Variants in IPO8 observed in about 807,000 individuals in gnomAD.
The protein encoded by IPO8 is importin-8.
Under a neutral mutation model 141.2 loss-of-function variants are expected in IPO8, and 65 were observed. The observed-to-expected ratio is 0.46, with a 90% confidence interval of 0.38 to 0.57. The LOEUF (loss-of-function observed/expected upper bound fraction) is 0.57. Ranked by LOEUF, IPO8 falls within the 20% of genes least tolerant of loss-of-function variation. The pLI, the probability that IPO8 is intolerant of heterozygous loss-of-function variation, is 0.00. For synonymous variants in IPO8, 411 were observed against 420.3 expected (o/e 0.98, Z 0.27); for missense variants, 980 against 1,246.8 (o/e 0.79, Z 3.22).
In IPO8 at chr12:30,695,455, G is replaced by T; in HGVS notation, c.84+109C>A. On this transcript the variant is annotated intron_variant, in intron 1 of 24. Transcript: ENST00000256079. This position sits in a 1 kb window ranked among gnomAD's most constrained non-coding sequence, Gnocchi z 4.2. ...GAGCGGGACCAGCCGTGAGGCGTCA[G>T]CCCCAGCCCGGTGGGGGTGAGGACG... is the stretch of plus-strand genomic sequence containing the variant. The T allele has an allele frequency of 1.1e-6, 1 of 924,796 alleles. No homozygotes were observed. Among genetic ancestry groups the T allele is most frequent in the Non-Finnish European group, 1.7e-6 (1 of 587,034 alleles). The allele number at this position is 924,796 out of a possible 1,614,324, so 57.3% of individuals were successfully genotyped here.
intron 6 of IPO8, among the ~76,000 whole-genome samples, chr12:30,675,031 C>G (rs2053101072): frequency 6.6e-6 from 1 of 152,286 alleles, no homozygotes; most frequent in Non-Finnish European, 1.5e-5. Flanking sequence ...TCAGGACACT[C>G]TGAGATGATG....
At chr12:30,676,384 T>C (rs964044554) in intron 6 of IPO8, 114 bp downstream of exon 6, 4 of 462,220 alleles carry the variant, frequency 8.7e-6, no homozygotes, top group African/African-American at 7.9e-5. Context: ...TTTATTAATT[T>C]ATTTTATTAA....
rs755772356 is a variant in IPO8 at position 30,681,733 on chromosome 12, A to G, written c.408T>C (p.Tyr136=). The part of the protein sequence containing the change: ...HWPGVVDKID[Y]YLQSQSSASW... ...TTGCACTGCTCTGTGATTGCAAGTAATAGTCTATCTTGTCGACCACTCCTG... is the reference window on the plus strand; with the variant it reads ...TTGCACTGCTCTGTGATTGCAAGTAGTAGTCTATCTTGTCGACCACTCCTG... Residue 136 remains tyrosine, a synonymous_variant, in exon 4 of 25, where the codon TAT becomes TAC. Coordinates refer to ENST00000256079, the MANE Select transcript of IPO8 (RefSeq NM_006390.4). 48 of 1,613,784 alleles carry G rather than the reference A, an allele frequency of 3.0e-5. No homozygotes were observed. Among genetic ancestry groups the G allele is most frequent in the Non-Finnish European group, 4.0e-5 (47 of 1,179,802 alleles).
At position 30,676,498 on chromosome 12, in the gene IPO8, A is replaced by G. The variant is rs2053121709; in HGVS notation, c.729T>C (p.Pro243=). The G allele has an allele frequency of 6.2e-7, 1 of 1,609,340 alleles. No homozygotes were observed. Among genetic ancestry groups the G allele is most frequent in the African/African-American group, 1.3e-5 (1 of 74,832 alleles). The change falls in exon 6 of 25, where the codon CCT becomes CCC. Residue 243 remains proline, a splice_region_variant and synonymous_variant. Transcript: ENST00000256079. ...FRTIIDRTVP[P]ETLHIDEDDR... ...TTTCTTGGGAAAAGCTTTTTCTTAC[A>G]GGAGGAACGGTCCTGTCGATAATAG...
chr12:30,655,169 T>C (rs1330894930), intron 17 of IPO8, among the ~76,000 whole-genome samples: 1 of 152,182 alleles, frequency 6.6e-6, no homozygotes, highest in Non-Finnish European at 1.5e-5. Context: ...TTGTTCATTC[T>C]AAGGGTTTTG....
rs1286609437 is a variant in IPO8, at chr12:30,674,035, T to C, written c.864A>G (p.Glu288=). Residue 288 remains glutamate (E), a synonymous_variant, in exon 8 of 25, where the codon GAA becomes GAG. Transcript: ENST00000256079. The part of the protein sequence containing the change: ...SPGNVTKEYF[E]FSEFFLKTYA... ...AGGTTTTCAAAAAGAATTCAGAAAA[T>C]TCAAAGTATTCTTTTGTGACATTTC... 2 of 1,593,340 alleles carry C rather than the reference T, an allele frequency of 1.3e-6. No homozygotes were observed. The highest frequency in any genetic ancestry group is 1.3e-5 in the African/African-American group (1 of 74,862).
At chr12:30,690,103 C>T (rs1402260876) in intron 2 of IPO8, among the ~76,000 whole-genome samples, 3 of 152,216 alleles carry the variant, frequency 2.0e-5, no homozygotes, top group Non-Finnish European at 2.9e-5. Context: ...AACACATTAC[C>T]TCCATGATTT....
chr12:30,656,203 A>T (rs1031046683), intron 17 of IPO8, among the ~76,000 whole-genome samples: 2 of 151,898 alleles, frequency 1.3e-5, no homozygotes, highest in African/African-American at 4.8e-5. Context: ...CACTCAGCTA[A>T]TTTTTTTTAT....
Position 30,630,506 on chromosome 12 carries a change from T to C in IPO8, c.*354A>G, listed in dbSNP as rs2052416202. On this transcript the variant is annotated 3_prime_UTR_variant, in exon 25 of 25. Coordinates refer to ENST00000256079, the MANE Select transcript of IPO8 (RefSeq NM_006390.4). ...ATAATTCATGTACAACAGAAGGCAC[T>C]GTTATCCGCATAAATCCATTGATTC... 4.5e-6 allele frequency: 1 copy of C among 221,414 alleles called. No homozygotes were observed. Among genetic ancestry groups the C allele is most frequent in the African/African-American group, 2.3e-5 (1 of 44,070 alleles). The allele number at this position is 221,414 out of a possible 1,614,324, so 13.7% of individuals were successfully genotyped here.
chr12:30,675,841 CT>C (rs2053113437), intron 6 of IPO8, among the ~76,000 whole-genome samples: 1 of 131,792 alleles, frequency 7.6e-6, no homozygotes. Context: ...GAGACTCTGT[CT>C]CAAAAAAAAA....
At chr12:30,669,493 T>C (rs760903042) in intron 9 of IPO8, among the ~76,000 whole-genome samples, 9 of 152,126 alleles carry the variant, frequency 5.9e-5, no homozygotes, top group Non-Finnish European at 1.0e-4. Context: ...AATGTCCATG[T>C]ATTAACAATA....
At position 30,684,632 on chromosome 12, in the gene IPO8, G is replaced by C. The variant is rs917393917; in HGVS notation, c.167-175C>G. Among the ~76,000 whole-genome samples, 5 of 152,144 alleles carry C rather than the reference G, an allele frequency of 3.3e-5. No individual in the cohort carries two copies. In the South Asian group the frequency reaches 8.3e-4, roughly 25 times the overall value. On this transcript the variant is annotated intron_variant, in intron 2 of 24. Transcript: ENST00000256079. ...AAGGGAAAGTGGATAAGAATTTAAA[G>C]GTTTCACTTCAGCTAGTCTAAGCAG...
At chr12:30,680,326 T>C in intron 5 of IPO8, 156 bp downstream of exon 5, 1 of 558,638 alleles carries the variant, frequency 1.8e-6, no homozygotes, top group South Asian at 3.1e-5. Context: ...CTTGGGTAAT[T>C]AATTTCTGTG....
chr12:30,650,164 T>C (rs1299581181), intron 19 of IPO8, among the ~76,000 whole-genome samples: 1 of 151,978 alleles, frequency 6.6e-6, no homozygotes, highest in Admixed American at 6.6e-5. Flanking sequence ...AATAATACTA[T>C]AAAGAACACT....
chr12:30,690,154 G>A (rs1415669601), intron 2 of IPO8, among the ~76,000 whole-genome samples: 1 of 152,150 alleles, frequency 6.6e-6, no homozygotes, highest in Non-Finnish European at 1.5e-5. Flanking sequence ...TAAATTCATG[G>A]TCTTAATCTA....
In IPO8 at chr12:30,668,363, T is replaced by G. The variant is rs567623878; in HGVS notation, c.1144+820A>C. ...TTTAGCTTACGTAGCTAGACACACCTGGCTCAACTAAGGGGAAAGCACTGC... is the reference window on the plus strand; with the variant it reads ...TTTAGCTTACGTAGCTAGACACACCGGGCTCAACTAAGGGGAAAGCACTGC... On this transcript the variant is annotated intron_variant, in intron 10 of 24. Coordinates refer to ENST00000256079, the MANE Select transcript of IPO8 (RefSeq NM_006390.4). 8.5e-5 allele frequency among the ~76,000 whole-genome samples: 13 copies of G among 152,314 alleles called. No individual in the cohort carries two copies. In the South Asian group the frequency reaches 2.7e-3, roughly 32 times the overall value.
chr12:30,658,626 G>A (rs1453903668), intron 16 of IPO8, among the ~76,000 whole-genome samples: 5 of 152,022 alleles, frequency 3.3e-5, no homozygotes, highest in Admixed American at 6.6e-5. Context: ...ATTCTACTAC[G>A]CCCCACACAC....
chr12:30,692,007 G>C (rs2053295226), intron 1 of IPO8, among the ~76,000 whole-genome samples: 1 of 152,128 alleles, frequency 6.6e-6, no homozygotes. Flanking sequence ...TAAGAAAACA[G>C]ATTTGTTCTA....
chr12:30,669,289 T>TA lies in IPO8; in HGVS notation c.1045-8_1045-7insT. 1 of 1,372,976 alleles carries TA rather than the reference T, an allele frequency of 7.3e-7. No individual in the cohort carries two copies. Among genetic ancestry groups the TA allele is most frequent in the Admixed American group, 2.1e-5 (1 of 47,928 alleles). 85.0% of individuals were successfully genotyped at this position (1,372,976 alleles called of 1,614,324 possible). A position where few individuals can be genotyped will look rare whatever the true frequency, so the allele number is the denominator to read the frequency against. On this transcript the variant is annotated splice_region_variant and splice_polypyrimidine_tract_variant and intron_variant, in intron 9 of 24. Transcript: ENST00000256079. The stretch of plus-strand genomic sequence containing the variant: ...TCACATCTTCAGAGATATTCTAAAA[T>TA]GAGAAAAAAAAAAAAACGTAACAAA...
Sources: allele counts gnomAD v4.1 joint callset (sites outside exome capture counted in the v4.1 genomes callset), GRCh38; gene constraint gnomAD v4.1.1; non-coding constraint Gnocchi (gnomAD v3.1); transcripts MANE v1.5; gene names NCBI Gene and HGNC (gene_info 2026-07-23, HGNC 2026-07-21).